CA9: variants seen among roughly 807,000 people sequenced by gnomAD.
CA9 encodes carbonic anhydrase 9, also known as CA-IX.
A neutral mutation model predicts 51.8 loss-of-function variants in CA9; 43 were observed. The observed-to-expected ratio is 0.83, with a 90% CI of 0.65 to 1.07. The LOEUF is 1.07. CA9 is among the 50% of genes least tolerant of loss of function. The probability of loss-of-function intolerance (pLI) is 0.00; values close to 1 mark genes in which losing one functional copy is unlikely to be tolerated. For synonymous variants in CA9, 253 were observed against 244.2 expected, an observed-to-expected ratio of 1.04 and a Z score of -0.34; for missense variants, 574 against 581.4, an observed-to-expected ratio of 0.99 and a Z score of 0.13.
chr9:35,675,449 TA>T, intron 1 of CA9, 88 bp from the exon 2 acceptor site: 1 of 1,440,808 alleles, frequency 6.9e-7, no homozygotes, highest in South Asian at 1.1e-5. Context: ...AATGCTCCTG[TA>T]AGGCATCTGC....
chr9:35,675,728 G>A, intron 2 of CA9, 33 bp from the exon 3 acceptor site: 2 of 1,590,550 alleles, frequency 1.3e-6, no homozygotes. Flanking sequence ...TGACCTAGGC[G>A]TCAGACTTCC....
Position 35,679,931 on chromosome 9 carries a change from G to T in CA9, c.1143G>T (p.Leu381Phe). Residue 381 changes from leucine to phenylalanine, a missense_variant, in exon 8 of 11, where the codon TTG becomes TTT. Coordinates refer to ENST00000378357, the MANE Select transcript of CA9 (RefSeq NM_001216.3). Reference sequence around the variant, plus strand: ...TGAACTTCCGAGCGACGCAGCCTTTGAATGGGCGAGTGATTGAGGCCTCCT... The same window carrying T: ...TGAACTTCCGAGCGACGCAGCCTTTTAATGGGCGAGTGATTGAGGCCTCCT... Reference protein sequence around the residue: ...LQLNFRATQPLNGRVIEASFP... With the variant: ...LQLNFRATQPFNGRVIEASFP... 6.2e-7 allele frequency: 1 copy of T among 1,614,090 alleles called. No homozygotes were observed. Among genetic ancestry groups the T allele is most frequent in the Non-Finnish European group, 8.5e-7 (1 of 1,179,994 alleles).
At chr9:35,680,218 C>T in intron 9 of CA9, 79 bp downstream of exon 9, 1 of 1,507,918 alleles carries the variant, frequency 6.6e-7, no homozygotes, top group South Asian at 1.1e-5. Context: ...TCAGGACCGC[C>T]TCTGCTCCCT....
intron 7 of CA9, 35 bp downstream of exon 7, chr9:35,679,377 G>T: frequency 6.3e-7 from 1 of 1,584,712 alleles, no homozygotes; most frequent in East Asian, 2.2e-5. Context: ...CAGTGGGTGC[G>T]GGGGAAAGAG....
rs755541700 is a variant in CA9 at position 35,676,353 on chromosome 9, C to T, written c.804C>T (p.Arg268=). Reference sequence around the variant, plus strand: ...CCAGAGTTGACGAGGCCTTGGGGCGCCCGGGAGGCCTGGCCGTGTTGGCCG... The same window carrying T: ...CCAGAGTTGACGAGGCCTTGGGGCGTCCGGGAGGCCTGGCCGTGTTGGCCG... ...AFARVDEALG[R]PGGLAVLAAF... The change falls in exon 5 of 11, where the codon CGC becomes CGT. Residue 268 remains arginine, a synonymous_variant. Coordinates refer to ENST00000378357, the MANE Select transcript of CA9 (RefSeq NM_001216.3). 1.2e-6 allele frequency: 2 copies of T among 1,613,892 alleles called. No homozygotes were observed. Among genetic ancestry groups the T allele is most frequent in the South Asian group, 1.1e-5 (1 of 91,080 alleles).
At chr9:35,677,368 T>G (rs1419431832) in intron 5 of CA9, among the ~76,000 whole-genome samples, 1 of 152,066 alleles carries the variant, frequency 6.6e-6, no homozygotes, top group African/African-American at 2.4e-5. Flanking sequence ...AATGCAGAGG[T>G]GACACCAACA....
chr9:35,680,468 T>A (rs1824522302), intron 9 of CA9, among the ~76,000 whole-genome samples: 1 of 152,074 alleles, frequency 6.6e-6, no homozygotes, highest in Non-Finnish European at 1.5e-5. Context: ...GCTCAGGCAA[T>A]CCTTTCACCT....
chr9:35,676,150 G>A lies in CA9; in HGVS notation c.691G>A (p.Ala231Thr), dbSNP rs1469599427. The change falls in exon 4 of 11, where the codon GCT (alanine) becomes ACT (threonine). Residue 231 changes from alanine (A) to threonine (T), a missense_variant. By Grantham distance (58) the Ala-to-Thr change is moderately conservative (BLOSUM62 0). Coordinates refer to ENST00000378357, the MANE Select transcript of CA9 (RefSeq NM_001216.3). ...RALQLHLHWG[A>T]AGRPGSEHTV... is the part of the protein sequence containing the mutation. ...TCTGCAGCTGCATCTGCACTGGGGG[G>A]CTGCAGGTCGTCCGGGCTCGGAGCA... 1.2e-6 allele frequency: 2 copies of A among 1,613,026 alleles called. No homozygotes were observed. The highest frequency in any genetic ancestry group is 8.5e-7 in the Non-Finnish European group (1 of 1,179,512).
At chr9:35,679,815 T>C (rs1335048254) in intron 7 of CA9, 39 bp from the exon 8 acceptor site, 19 of 1,538,998 alleles carry the variant, frequency 1.2e-5, no homozygotes, top group Middle Eastern at 1.9e-4. Flanking sequence ...TTTCCTGTCA[T>C]GCCATGAACC....
intron 1 of CA9, 111 bp from the exon 2 acceptor site, chr9:35,675,427 T>G: frequency 7.9e-7 from 1 of 1,258,712 alleles, no homozygotes; most frequent in Non-Finnish European, 1.2e-6. Flanking sequence ...GCTTAAGGCA[T>G]TTGTTACCCG....
Position 35,676,208 on chromosome 9 carries a change from T to A in CA9, c.747+2T>A. ...GAAGGCCACCGTTTCCCTGCCGAGG[T>A]GAGCGCGGAGCTGGCCGAGAAGGGG... On this transcript the variant is annotated splice_donor_variant, in intron 4 of 10. Transcript: ENST00000378357. LOFTEE classifies it high-confidence loss of function. 4 of 1,611,636 alleles carry A rather than the reference T, an allele frequency of 2.5e-6. No individual in the cohort carries two copies. The highest frequency in any genetic ancestry group is 3.4e-6 in the Non-Finnish European group (4 of 1,178,826).
In CA9 at chr9:35,679,919, G is replaced by A. The variant is rs763934915; in HGVS notation, c.1131G>A (p.Ala377=). 33 of 1,613,730 alleles carry A rather than the reference G, an allele frequency of 2.0e-5. No homozygotes were observed. In the South Asian group the frequency reaches 2.2e-4, roughly 11 times the overall value. ...CTCGGCTACAGCTGAACTTCCGAGC[G>A]ACGCAGCCTTTGAATGGGCGAGTGA... ...GDSRLQLNFR[A]TQPLNGRVIE... The change falls in exon 8 of 11, where the codon GCG becomes GCA. Residue 377 remains alanine (A), a synonymous_variant. Coordinates refer to ENST00000378357, the MANE Select transcript of CA9 (RefSeq NM_001216.3).
intron 1 of CA9, 114 bp from the exon 2 acceptor site, chr9:35,675,424 G>A: frequency 1.6e-6 from 2 of 1,216,404 alleles, no homozygotes; most frequent in South Asian, 1.2e-5. Flanking sequence ...CCCGCTTAAG[G>A]CATTTGTTAC....
In CA9 at chr9:35,677,807, C is replaced by T. The variant is rs1353515188; in HGVS notation, c.858C>T (p.Asn286=). 4 of 1,613,990 alleles carry T rather than the reference C, an allele frequency of 2.5e-6. No individual in the cohort carries two copies. Among genetic ancestry groups the T allele is most frequent in the Non-Finnish European group, 2.5e-6 (3 of 1,179,932 alleles). ...AAFLEEGPEE[N]SAYEQLLSRL... ...TCCCCCAGGAGGGCCCGGAAGAAAA[C>T]AGTGCCTATGAGCAGTTGCTGTCTC... The change falls in exon 6 of 11, where the codon AAC becomes AAT. Residue 286 remains asparagine (N), a synonymous_variant. Transcript: ENST00000378357.
At chr9:35,677,955 T>C in intron 6 of CA9, 99 bp downstream of exon 6, 1 of 935,870 alleles carries the variant, frequency 1.1e-6, no homozygotes, top group Non-Finnish European at 1.8e-6. Flanking sequence ...CTCCCTCCAG[T>C]GCAGGAGGGA....
intron 6 of CA9, among the ~76,000 whole-genome samples, chr9:35,678,639 G>T (rs201078790): frequency 6.8e-6 from 1 of 146,866 alleles, no homozygotes; most frequent in Non-Finnish European, 1.5e-5. Flanking sequence ...TGTCTGTTTT[G>T]TATAGTTATC....
Position 35,674,077 on chromosome 9 carries a change from T to C in CA9, c.118T>C (p.Leu40=). The part of the protein sequence containing the change: ...LLLVPVHPQR[L]PRMQEDSPLG... The stretch of plus-strand genomic sequence containing the variant: ...TCTGGTGCCTGTCCATCCCCAGAGG[T>C]TGCCCCGGATGCAGGAGGATTCCCC... The change falls in exon 1 of 11, where the codon TTG becomes CTG. Residue 40 remains leucine (L), a synonymous_variant. Transcript: ENST00000378357. 2 of 1,614,096 alleles carry C rather than the reference T, an allele frequency of 1.2e-6. No individual in the cohort carries two copies. Among genetic ancestry groups the C allele is most frequent in the Non-Finnish European group, 1.7e-6 (2 of 1,180,002 alleles).
chr9:35,677,645 G>T (rs989008524), intron 5 of CA9, 145 bp from the exon 6 acceptor site: 2 of 632,628 alleles, frequency 3.2e-6, no homozygotes, highest in Admixed American at 5.9e-5. Context: ...ACAACAAAAA[G>T]CAACAACCAT....
At chr9:35,676,495 CT>C in intron 5 of CA9, 106 bp downstream of exon 5, 1 of 883,550 alleles carries the variant, frequency 1.1e-6, no homozygotes, top group South Asian at 1.6e-5. Context: ...ACTCAGGCCC[CT>C]GGCTGACAAA....
Sources: allele counts gnomAD v4.1 joint callset (sites outside exome capture counted in the v4.1 genomes callset), GRCh38; gene constraint gnomAD v4.1.1; transcripts MANE v1.5; gene names NCBI Gene and HGNC (gene_info 2026-07-23, HGNC 2026-07-21).